Variants in SORCS3 observed in about 807,000 individuals in gnomAD.
SORCS3 encodes VPS10 domain-containing receptor SorCS3.
SORCS3 carries 57 observed loss-of-function variants against 146.3 expected under a neutral mutation model. The observed-to-expected ratio is 0.39, with a 90% CI of 0.31 to 0.49. The LOEUF (loss-of-function observed/expected upper bound fraction) is 0.49. SORCS3 is among the 20% of genes least tolerant of loss of function. SORCS3 has a pLI of 0.92. For synonymous variants in SORCS3, 653 were observed against 618.5 expected (o/e 1.06, Z -0.83); for missense variants, 1,341 against 1,575.5 (o/e 0.85, Z 2.52).
intron 8 of SORCS3, among the ~76,000 whole-genome samples, chr10:105,144,669 A>C (rs142389498): frequency 6.6e-6 from 1 of 152,088 alleles, no homozygotes; most frequent in Non-Finnish European, 1.5e-5. Flanking sequence ...GTAAAGTCCC[A>C]GTCTAAATTT....
chr10:105,089,787 A>T lies in SORCS3; in HGVS notation c.1041A>T (p.Gly347=). 6.2e-7 allele frequency: 1 copy of T among 1,613,920 alleles called. No homozygotes were observed. Among genetic ancestry groups the T allele is most frequent in the Non-Finnish European group, 8.5e-7 (1 of 1,179,942 alleles). ...CTTCCTTTCCCAGGTCGGTGGCCGG[A>T]TTGGATAAGGAGGCGGACCTGGTGC... ...TPNRFYWSVA[G]LDKEADLVHM... The change falls in exon 6 of 27, where the codon GGA becomes GGT. Residue 347 remains glycine, a synonymous_variant. Coordinates refer to ENST00000369701, the MANE Select transcript of SORCS3 (RefSeq NM_014978.3).
intron 6 of SORCS3, among the ~76,000 whole-genome samples, chr10:105,101,058 A>T (rs1564753955): frequency 6.6e-6 from 1 of 152,210 alleles, no homozygotes; most frequent in Non-Finnish European, 1.5e-5. Context: ...TGCTCAAGAG[A>T]TCTGGACCAC....
intron 1 of SORCS3, among the ~76,000 whole-genome samples, chr10:104,810,291 G>A (rs2017726355): frequency 6.6e-6 from 1 of 152,124 alleles, no homozygotes. Flanking sequence ...GTCACGCACT[G>A]GAGATTATGT....
chr10:105,245,417 A>G (rs2056859917), intron 20 of SORCS3, 125 bp from the exon 21 acceptor site: 1 of 1,132,540 alleles, frequency 8.8e-7, no homozygotes, highest in Non-Finnish European at 1.3e-6. Context: ...AAGAAACGGT[A>G]TAACGTTTGT....
chr10:105,261,989 T>A (rs2056963563), intron 25 of SORCS3, among the ~76,000 whole-genome samples: 1 of 152,256 alleles, frequency 6.6e-6, no homozygotes, highest in Non-Finnish European at 1.5e-5. Context: ...ACTTAGAGTT[T>A]CAAAGTCTAG....
intron 9 of SORCS3, among the ~76,000 whole-genome samples, chr10:105,152,829 C>T (rs1164177822): frequency 6.6e-6 from 1 of 152,114 alleles, no homozygotes; most frequent in Non-Finnish European, 1.5e-5. Context: ...TGTGAGATTA[C>T]AGAGATGCAG....
intron 1 of SORCS3, among the ~76,000 whole-genome samples, chr10:104,664,081 C>G (rs2015736631): frequency 1.3e-5 from 2 of 152,064 alleles, no homozygotes; most frequent in Admixed American, 6.6e-5. Flanking sequence ...TTGCTGGTTG[C>G]TGGGGGAGGC....
chr10:104,676,683 A>C (rs1401924738), intron 1 of SORCS3, among the ~76,000 whole-genome samples: 1 of 152,196 alleles, frequency 6.6e-6, no homozygotes, highest in Non-Finnish European at 1.5e-5. Flanking sequence ...GAGGAAGAGT[A>C]AACAAAGGGG....
chr10:105,053,561 C>A (rs1029941792), intron 5 of SORCS3, among the ~76,000 whole-genome samples: 2 of 151,796 alleles, frequency 1.3e-5, no homozygotes, highest in African/African-American at 2.4e-5. Context: ...AAATCAAGTA[C>A]GTCTTCATAG....
intron 1 of SORCS3, among the ~76,000 whole-genome samples, chr10:104,680,210 T>C (rs376756994): frequency 2.0e-4 from 30 of 152,308 alleles, no homozygotes; most frequent in African/African-American, 6.7e-4. Context: ...GAGCTCACTG[T>C]TGAGTCCTAG....
At chr10:104,871,028 G>C (rs2018513855) in intron 2 of SORCS3, among the ~76,000 whole-genome samples, 2 of 152,182 alleles carry the variant, frequency 1.3e-5, no homozygotes, top group Admixed American at 1.3e-4. Flanking sequence ...TACTCATGGG[G>C]GCAGGGATGA....
At chr10:105,113,083 C>G (rs2055869468) in intron 7 of SORCS3, among the ~76,000 whole-genome samples, 1 of 152,188 alleles carries the variant, frequency 6.6e-6, no homozygotes, top group Non-Finnish European at 1.5e-5. Context: ...AACGGAGCAA[C>G]TCTGCTTTTG....
intron 1 of SORCS3, among the ~76,000 whole-genome samples, chr10:104,823,685 C>A (rs912063289): frequency 1.3e-5 from 2 of 152,132 alleles, no homozygotes; most frequent in Non-Finnish European, 2.9e-5. Context: ...TGAGTCAAGT[C>A]AAAACTCTTT....
At chr10:104,836,028 G>A (rs1157120666) in intron 1 of SORCS3, among the ~76,000 whole-genome samples, 2 of 152,174 alleles carry the variant, frequency 1.3e-5, no homozygotes, top group Non-Finnish European at 2.9e-5. Flanking sequence ...CTTGAGTTCA[G>A]CCCTCTGGTT....
intron 4 of SORCS3, among the ~76,000 whole-genome samples, chr10:104,983,156 G>C (rs1337122733): frequency 3.9e-5 from 6 of 152,066 alleles, no homozygotes; most frequent in Non-Finnish European, 8.8e-5. Flanking sequence ...CCTGCCACCA[G>C]ACCCGGCTAA....
chr10:105,059,749 G>A (rs1000034461), intron 5 of SORCS3, among the ~76,000 whole-genome samples: 1 of 152,148 alleles, frequency 6.6e-6, no homozygotes, highest in Admixed American at 6.5e-5. Flanking sequence ...TGACACAAGC[G>A]GAAGCTCTGT....
At chr10:104,874,627 A>G (rs2133570388) in intron 2 of SORCS3, among the ~76,000 whole-genome samples, 1 of 152,300 alleles carries the variant, frequency 6.6e-6, no homozygotes, top group South Asian at 2.1e-4. Context: ...TGGGATGGGT[A>G]GAATTAGGAA....
chr10:104,762,887 A>G (rs1270057437), intron 1 of SORCS3, among the ~76,000 whole-genome samples: 3 of 152,150 alleles, frequency 2.0e-5, no homozygotes, highest in African/African-American at 4.8e-5. Context: ...CTTTATAGCA[A>G]TGTGAAAATA....
rs376444734 is a variant in SORCS3 at position 105,095,770 on chromosome 10, C to T, written c.1093+5931C>T. Among the ~76,000 whole-genome samples the T allele has an allele frequency of 2.3e-4, 34 of 150,196 alleles. No individual in the cohort carries two copies. The East Asian group carries it at 4.6e-3, about 21-fold the overall frequency. The stretch of plus-strand genomic sequence containing the variant: ...AGAGTAGACACCTAAATTCTAATTC[C>T]GGTTTTTCCACTGAGAGGCTGTGTG... On this transcript the variant is annotated intron_variant, in intron 6 of 26. Transcript: ENST00000369701.
Sources: gnomAD v4.1 joint callset for allele counts (sites outside exome capture counted in the v4.1 genomes callset) on GRCh38, gnomAD v4.1.1 for gene constraint, MANE v1.5 for transcripts, NCBI Gene and HGNC (gene_info 2026-07-23, HGNC 2026-07-21) for gene names.